Variants in ATXN7L1 observed in about 807,000 individuals in gnomAD.
The protein encoded by ATXN7L1 is ataxin 7 like 1.
ATXN7L1 carries 15 observed loss-of-function variants against 70.8 expected under a neutral mutation model. That is an observed-to-expected ratio of 0.21 (90% CI 0.14 to 0.33). The LOEUF (loss-of-function observed/expected upper bound fraction) is 0.33. ATXN7L1 is among the 10% of genes least tolerant of loss of function. ATXN7L1 has a pLI of 1.00. For synonymous variants in ATXN7L1, 440 were observed against 445.1 expected (o/e 0.99, Z 0.14); for missense variants, 975 against 1,097.1 (o/e 0.89, Z 1.57).
chr7:105,605,881 T>C lies in ATXN7L1; in HGVS notation c.*1971A>G, dbSNP rs937636471. 2 of 152,214 alleles carry C rather than the reference T, an allele frequency of 1.3e-5. No individual in the cohort carries two copies. Among genetic ancestry groups the C allele is most frequent in the African/African-American group, 4.8e-5 (2 of 41,452 alleles). The allele number at this position is 152,214 out of a possible 1,614,324, so 9.4% of individuals were successfully genotyped here. The stretch of plus-strand genomic sequence containing the variant: ...TTAAACTTTCCTAAGTTTCATATTG[T>C]TTCTGAAACTATTCTGGTCAGTTAG... On this transcript the variant is annotated 3_prime_UTR_variant, in exon 12 of 12. Transcript: ENST00000419735.
intron 7 of ATXN7L1, among the ~76,000 whole-genome samples, chr7:105,636,532 CAA>C (rs1797413833): frequency 6.7e-6 from 1 of 149,476 alleles, no homozygotes. Flanking sequence ...TAACAGAACA[CAA>C]ACAGCTGGCA....
intron 2 of ATXN7L1, among the ~76,000 whole-genome samples, chr7:105,827,112 G>C (rs1810977823): frequency 6.6e-6 from 1 of 152,112 alleles, no homozygotes; most frequent in African/African-American, 2.4e-5. Context: ...GGAAAGGATG[G>C]GGACTCTGTC....
At chr7:105,642,743 C>T (rs1029989463) in intron 5 of ATXN7L1, 95 bp downstream of exon 5, 75 of 1,379,388 alleles carry the variant, frequency 5.4e-5, no homozygotes, top group Middle Eastern at 1.9e-4. Flanking sequence ...ATGAAACAGA[C>T]CTGCTTAATG....
At chr7:105,743,129 A>G (rs899076427) in intron 3 of ATXN7L1, among the ~76,000 whole-genome samples, 9 of 152,182 alleles carry the variant, frequency 5.9e-5, no homozygotes, top group African/African-American at 2.2e-4. Context: ...TCTGTAATTG[A>G]TTTATATTTT....
intron 3 of ATXN7L1, among the ~76,000 whole-genome samples, chr7:105,714,555 A>T (rs1425628417): frequency 6.6e-6 from 1 of 152,250 alleles, no homozygotes; most frequent in Non-Finnish European, 1.5e-5. Context: ...GATCCTGTCC[A>T]GGTCAGTTCT....
At chr7:105,695,326 G>A (rs369004428) in intron 3 of ATXN7L1, among the ~76,000 whole-genome samples, 1 of 152,082 alleles carries the variant, frequency 6.6e-6, no homozygotes, top group Admixed American at 6.6e-5. Context: ...GCACAACATC[G>A]CCCTCAATTT....
At chr7:105,685,836 A>T (rs1364099479) in intron 3 of ATXN7L1, among the ~76,000 whole-genome samples, 1 of 152,038 alleles carries the variant, frequency 6.6e-6, no homozygotes, top group Non-Finnish European at 1.5e-5. Context: ...CCCTGTTCTC[A>T]CTCCAGCTGA....
At chr7:105,868,522 A>G (rs1817805468) in intron 2 of ATXN7L1, among the ~76,000 whole-genome samples, 1 of 152,232 alleles carries the variant, frequency 6.6e-6, no homozygotes, top group Non-Finnish European at 1.5e-5. Flanking sequence ...TCATGAACTG[A>G]CATGGACAGC....
intron 2 of ATXN7L1, among the ~76,000 whole-genome samples, chr7:105,801,744 T>C (rs1217428098): frequency 6.6e-6 from 1 of 152,180 alleles, no homozygotes; most frequent in Admixed American, 6.5e-5. Context: ...GAACTGCTCA[T>C]GACAGCCAAT....
intron 2 of ATXN7L1, among the ~76,000 whole-genome samples, chr7:105,824,375 G>A (rs1341694996): frequency 6.6e-6 from 1 of 152,058 alleles, no homozygotes; most frequent in African/African-American, 2.4e-5. Context: ...AAGAGACTGA[G>A]ACACAATAAC....
intron 2 of ATXN7L1, among the ~76,000 whole-genome samples, chr7:105,828,926 T>C (rs1811222380): frequency 6.6e-6 from 1 of 152,220 alleles, no homozygotes; most frequent in Non-Finnish European, 1.5e-5. Flanking sequence ...TCTATGAAGA[T>C]ACTTCTCAAA....
At chr7:105,709,336 C>T (rs1176471113) in intron 3 of ATXN7L1, among the ~76,000 whole-genome samples, 1 of 148,990 alleles carries the variant, frequency 6.7e-6, no homozygotes, top group African/African-American at 2.5e-5. Context: ...CTCTGTCTCA[C>T]AAAAAAAAGA....
At chr7:105,775,017 A>G (rs1802530565) in intron 3 of ATXN7L1, among the ~76,000 whole-genome samples, 1 of 152,218 alleles carries the variant, frequency 6.6e-6, no homozygotes, top group Non-Finnish European at 1.5e-5. Flanking sequence ...TCTCTGGAAA[A>G]AAAAAAGATT....
intron 3 of ATXN7L1, among the ~76,000 whole-genome samples, chr7:105,779,189 A>G (rs1477269947): frequency 6.6e-6 from 1 of 152,212 alleles, no homozygotes; most frequent in Non-Finnish European, 1.5e-5. Context: ...TCTTGAACAA[A>G]TTTCTTAAGT....
At chr7:105,861,418 G>C (rs1280587946) in intron 2 of ATXN7L1, among the ~76,000 whole-genome samples, 2 of 151,946 alleles carry the variant, frequency 1.3e-5, no homozygotes, top group East Asian at 3.9e-4. Context: ...GGATGGGGGT[G>C]GGGGAGTGGA....
chr7:105,842,086 C>T (rs189841998), intron 2 of ATXN7L1, among the ~76,000 whole-genome samples: 25 of 152,254 alleles, frequency 1.6e-4, no homozygotes, highest in Non-Finnish European at 1.9e-4. Context: ...TCAAGCCACT[C>T]TGGGAAGCAC....
intron 3 of ATXN7L1, among the ~76,000 whole-genome samples, chr7:105,691,162 AG>A (rs763384792): frequency 6.6e-6 from 1 of 152,214 alleles, no homozygotes; most frequent in African/African-American, 2.4e-5. Flanking sequence ...CACTGCTCCC[AG>A]GAGTTTGACA....
intron 2 of ATXN7L1, among the ~76,000 whole-genome samples, chr7:105,829,788 T>G (rs540106997): frequency 6.6e-6 from 1 of 152,348 alleles, no homozygotes; most frequent in East Asian, 1.9e-4. Flanking sequence ...TTGTTTACAT[T>G]CCAAGCAAAA....
chr7:105,823,765 G>A lies in ATXN7L1; in HGVS notation c.251-35057C>T, dbSNP rs148342337. The stretch of plus-strand genomic sequence containing the variant: ...CACATGTTTTTGGAAGACAGGTGAG[G>A]AGTGATTGCTGACTGGGCAGAGTGG... On this transcript the variant is annotated intron_variant, in intron 2 of 11. Coordinates refer to ENST00000419735, the MANE Select transcript of ATXN7L1 (RefSeq NM_020725.2). 2.8e-3 allele frequency among the ~76,000 whole-genome samples: 434 copies of A among 152,364 alleles called. 7 individuals carry two copies. The highest frequency in any genetic ancestry group is 0.02 in the Admixed American group (305 of 15,306).
Sources: allele counts gnomAD v4.1 joint callset (sites outside exome capture counted in the v4.1 genomes callset), GRCh38; gene constraint gnomAD v4.1.1; transcripts MANE v1.5; gene names NCBI Gene and HGNC (gene_info 2026-07-23, HGNC 2026-07-21).